Variants in CAMTA1 observed in about 807,000 individuals in gnomAD.
CAMTA1 encodes the protein calmodulin-binding transcription activator 1.
In CAMTA1, 27 loss-of-function variants were observed where a neutral mutation model predicts 170.9. The ratio of observed to expected loss-of-function variants is 0.16; its 90% CI spans 0.12 to 0.22. CAMTA1 has a LOEUF of 0.22. Among genes scored for constraint, CAMTA1 ranks in the 10% least tolerant of loss-of-function variants. The pLI is 1.00. For synonymous variants in CAMTA1, 833 were observed against 891.5 expected (o/e 0.93, Z 1.17); for missense variants, 1,619 against 2,217.2 (o/e 0.73, Z 5.42).
Position 7,224,640 on chromosome 1 carries a change from G to C in CAMTA1, c.303-24851G>C, listed in dbSNP as rs1661375001. On this transcript the variant is annotated intron_variant, in intron 4 of 22. Coordinates refer to ENST00000303635, the MANE Select transcript of CAMTA1 (RefSeq NM_015215.4). The surrounding 1 kb of genome is among the most constrained non-coding windows in gnomAD (Gnocchi z 5.2). ...CCTGCTCAAGCGGGGTCCCAGGTTG[G>C]AGGCGTGACACCCGCGCCTCTCCGC... 6.6e-6 allele frequency among the ~76,000 whole-genome samples: 1 copy of C among 152,214 alleles called. No homozygotes were observed. Among genetic ancestry groups the C allele is most frequent in the Non-Finnish European group, 1.5e-5 (1 of 68,036 alleles).
At chr1:7,019,834 G>A (rs1701098405) in intron 3 of CAMTA1, among the ~76,000 whole-genome samples, 2 of 152,232 alleles carry the variant, frequency 1.3e-5, no homozygotes, top group Admixed American at 1.3e-4. Context: ...GCCCCGCCCA[G>A]CTCCCCGGCA....
At chr1:7,375,628 G>A (rs538884254) in intron 5 of CAMTA1, among the ~76,000 whole-genome samples, 1 of 152,306 alleles carries the variant, frequency 6.6e-6, no homozygotes, top group South Asian at 2.1e-4. Context: ...GCAACAGGCC[G>A]GGCCTTCCCC....
At chr1:7,076,048 A>G (rs1489328243) in intron 3 of CAMTA1, among the ~76,000 whole-genome samples, 3 of 152,168 alleles carry the variant, frequency 2.0e-5, no homozygotes, top group African/African-American at 4.8e-5. Context: ...GGTTTTCACT[A>G]TGGCTTATGT....
At chr1:7,749,539 TA>T (rs59861377) in intron 19 of CAMTA1, among the ~76,000 whole-genome samples, 219 of 145,568 alleles carry the variant, frequency 1.5e-3, no homozygotes, top group Middle Eastern at 0.011. Context: ...TTTGGTTTTT[TA>T]AAAAAAAAAA....
In CAMTA1 at chr1:7,732,014, AC is replaced by A. The variant is rs1009143915; in HGVS notation, c.2915-432del. Among the ~76,000 whole-genome samples the A allele has an allele frequency of 7.5e-6, 1 of 133,738 alleles. No homozygotes were observed. Among genetic ancestry groups the A allele is most frequent in the African/African-American group, 2.7e-5 (1 of 37,714 alleles). 87.7% of individuals were successfully genotyped at this position (133,738 alleles called of 152,430 possible). A position where few individuals can be genotyped will look rare whatever the true frequency, so the allele number is the denominator to read the frequency against. ...TCAGTGTTTTGGTAAAAGATATACTACCTTTTTTTTTTTTTGTCTAACATAC... is the reference window on the plus strand; with the variant it reads ...TCAGTGTTTTGGTAAAAGATATACTACTTTTTTTTTTTTTGTCTAACATAC... On this transcript the variant is annotated intron_variant, in intron 11 of 22. Coordinates refer to ENST00000303635, the MANE Select transcript of CAMTA1 (RefSeq NM_015215.4). The surrounding 1 kb of genome is among the most constrained non-coding windows in gnomAD (Gnocchi z 4.1).
intron 3 of CAMTA1, chr1:6,888,304 G>A: frequency 1.0e-6 from 1 of 958,378 alleles, no homozygotes; most frequent in Non-Finnish European, 1.2e-6. Context: ...TTGGAAAGAA[G>A]CATAAAGCTT....
At chr1:6,787,631 A>G (rs951321497) in intron 1 of CAMTA1, among the ~76,000 whole-genome samples, 2 of 152,214 alleles carry the variant, frequency 1.3e-5, no homozygotes, top group African/African-American at 4.8e-5. Context: ...GTAACTCTTC[A>G]GGCTTAGAAG....
At chr1:7,302,280 C>T (rs1011383044) in intron 5 of CAMTA1, among the ~76,000 whole-genome samples, 8 of 152,184 alleles carry the variant, frequency 5.3e-5, no homozygotes, top group African/African-American at 1.4e-4. Context: ...AATCCCCTCC[C>T]GCACCTGGCC....
rs978749217 is a variant in CAMTA1, at chr1:7,333,693, C to G, written c.438+84067C>G. Among the ~76,000 whole-genome samples, 1 of 152,186 alleles carries G rather than the reference C, an allele frequency of 6.6e-6. No homozygotes were observed. Reference sequence around the variant, plus strand: ...GTTGCAGATTCTCCAATAAGCATCCCGGTGATCTGTGTGCCTTGCAGGGGC... The same window carrying G: ...GTTGCAGATTCTCCAATAAGCATCCGGGTGATCTGTGTGCCTTGCAGGGGC... On this transcript the variant is annotated intron_variant, in intron 5 of 22. Coordinates refer to ENST00000303635, the MANE Select transcript of CAMTA1 (RefSeq NM_015215.4). The surrounding 1 kb of genome is among the most constrained non-coding windows in gnomAD (Gnocchi z 4.4).
At chr1:7,554,982 GCTGC>G (rs2094856945) in intron 6 of CAMTA1, among the ~76,000 whole-genome samples, 1 of 152,050 alleles carries the variant, frequency 6.6e-6, no homozygotes, top group South Asian at 2.1e-4. Flanking sequence ...GGAGTTATCA[GCTGC>G]CTCTGTCAAC....
intron 10 of CAMTA1, among the ~76,000 whole-genome samples, chr1:7,676,566 ACTCTATAAG>A (rs1348920115): frequency 1.3e-5 from 2 of 151,992 alleles, no homozygotes; most frequent in Admixed American, 1.3e-4. Flanking sequence ...GGCTTCCTCG[ACTCTATAAG>A]CTTCTGAAAA....
intron 6 of CAMTA1, among the ~76,000 whole-genome samples, chr1:7,604,596 G>A (rs888019562): frequency 1.6e-4 from 25 of 151,974 alleles, no homozygotes; most frequent in African/African-American, 5.8e-4. Context: ...TTTTTTTCAA[G>A]GTTTTTAACT....
Position 7,664,886 on chromosome 1 carries a change from T to C in CAMTA1, c.2339T>C (p.Phe780Ser). 6.2e-7 allele frequency: 1 copy of C among 1,613,270 alleles called. No homozygotes were observed. Among genetic ancestry groups the C allele is most frequent in the Non-Finnish European group, 8.5e-7 (1 of 1,179,998 alleles). Residue 780 changes from phenylalanine to serine, a missense_variant, in exon 9 of 23, where the codon TTC (phenylalanine) becomes TCC (serine). Physicochemically the swap from Phe to Ser is radical, Grantham distance 155. Transcript: ENST00000303635. ...CAGTTCTCCGACCTGATCAACGACT[T>C]CATCTCCGTGGAGGGGGGCAGCAGC... ...SNQFSDLINDFISVEGGSSTI... is the reference protein window; with the variant it reads ...SNQFSDLINDSISVEGGSSTI...
chr1:7,148,114 C>T (rs1646339939), intron 4 of CAMTA1, among the ~76,000 whole-genome samples: 1 of 151,650 alleles, frequency 6.6e-6, no homozygotes, highest in African/African-American at 2.4e-5. Context: ...CACACACACG[C>T]ACACACACTA....
intron 11 of CAMTA1, among the ~76,000 whole-genome samples, chr1:7,698,088 C>CA (rs1553252972): frequency 8.3e-5 from 8 of 96,182 alleles, no homozygotes; most frequent in Middle Eastern, 5.1e-3. Flanking sequence ...CCCCCCCCCC[C>CA]ACCAACATGG....
intron 1 of CAMTA1, among the ~76,000 whole-genome samples, chr1:6,792,815 G>T (rs760065875): frequency 6.6e-6 from 1 of 152,082 alleles, no homozygotes; most frequent in Admixed American, 6.6e-5. Flanking sequence ...ACTGTGAGCC[G>T]AAGGTAACTT....
At chr1:7,226,843 T>C (rs369251430) in intron 4 of CAMTA1, among the ~76,000 whole-genome samples, 9 of 152,180 alleles carry the variant, frequency 5.9e-5, no homozygotes, top group African/African-American at 2.2e-4. Flanking sequence ...ATTTTTTATT[T>C]TTTTTTTGAG....
At chr1:7,605,508 G>A (rs926075296) in intron 6 of CAMTA1, among the ~76,000 whole-genome samples, 2 of 152,356 alleles carry the variant, frequency 1.3e-5, no homozygotes, top group Admixed American at 6.5e-5. Flanking sequence ...ATCTCCTGGT[G>A]TGCCGTTTGC....
intron 3 of CAMTA1, among the ~76,000 whole-genome samples, chr1:7,075,819 C>T (rs1378707315): frequency 6.6e-6 from 1 of 152,016 alleles, no homozygotes; most frequent in Non-Finnish European, 1.5e-5. Flanking sequence ...TGTGCCACCA[C>T]GCCCGGCTAA....
Sources: gnomAD v4.1 joint callset for allele counts (sites outside exome capture counted in the v4.1 genomes callset) on GRCh38, gnomAD v4.1.1 for gene constraint, Gnocchi (gnomAD v3.1) non-coding constraint, MANE v1.5 for transcripts, NCBI Gene and HGNC (gene_info 2026-07-23, HGNC 2026-07-21) for gene names.